The following NHSL1 variants were observed in gnomAD, a reference collection of about 807,000 sequenced individuals.
The protein encoded by NHSL1 is NHS-like protein 1.
A neutral mutation model predicts 95.0 loss-of-function variants in NHSL1; 48 were observed. That is an observed-to-expected ratio of 0.51 (90% CI 0.40 to 0.64). The LOEUF (loss-of-function observed/expected upper bound fraction) is 0.64. NHSL1 is among the 30% of genes least tolerant of loss of function. The pLI, the probability that NHSL1 is intolerant of heterozygous loss-of-function variation, is 0.00. For missense variants in NHSL1, 1,971 were observed against 2,077.7 expected (o/e 0.95, Z 1.00); for synonymous variants, 783 against 833.9 (o/e 0.94, Z 1.05).
chr6:138,667,793 A>G (rs1255200112), intron 1 of NHSL1, among the ~76,000 whole-genome samples: 2 of 152,240 alleles, frequency 1.3e-5, no homozygotes, highest in African/African-American at 4.8e-5. Flanking sequence ...TAATGTAGAC[A>G]GGAGAATATC....
chr6:138,652,656 C>G (rs73566687), intron 1 of NHSL1, among the ~76,000 whole-genome samples: 15,135 of 152,092 alleles, frequency 0.1, 940 homozygotes, highest in African/African-American at 0.18. Context: ...GAAACACACA[C>G]TGCAAAACAA....
At chr6:138,511,120 C>A (rs774917602) in intron 1 of NHSL1, among the ~76,000 whole-genome samples, 28 of 152,124 alleles carry the variant, frequency 1.8e-4, no homozygotes, top group Non-Finnish European at 3.4e-4. Context: ...AAAAATGATA[C>A]GCTTAGCTCT....
chr6:138,692,708 C>G (rs1785698334), upstream of NHSL1: 1 of 151,774 alleles, frequency 6.6e-6, no homozygotes, highest in South Asian at 2.1e-4. The surrounding 1 kb of genome is among the most constrained non-coding windows in gnomAD (Gnocchi z 4.0). Flanking sequence ...CCCCGGCCCC[C>G]GCCGCCTCGG....
intron 1 of NHSL1, among the ~76,000 whole-genome samples, chr6:138,568,151 A>G (rs1028593127): frequency 1.3e-5 from 2 of 152,226 alleles, no homozygotes; most frequent in Non-Finnish European, 2.9e-5. Context: ...TAACAGTTAG[A>G]AGACCATGCA....
intron 1 of NHSL1, among the ~76,000 whole-genome samples, chr6:138,678,139 T>C (rs748823289): frequency 6.6e-6 from 1 of 152,158 alleles, no homozygotes; most frequent in Non-Finnish European, 1.5e-5. Flanking sequence ...TGGCATTTTA[T>C]GGTGTCATAC....
At position 138,430,861 on chromosome 6, in the gene NHSL1, G is replaced by A. The variant is rs140310361; in HGVS notation, c.3484C>T (p.Arg1162Cys). The change falls in exon 6 of 8, where the codon CGC becomes TGC. Residue 1162 changes from arginine (R) to cysteine (C), a missense_variant. This residue lies in a region of NHSL1 where 1,602 missense variants were observed against 1,654.5 expected (regional missense o/e 0.97). Transcript: ENST00000343505. This position sits in a 1 kb window ranked among gnomAD's most constrained non-coding sequence, Gnocchi z 4.7. ...SAAERGGPVS[R>C]SPGAPSAGEA... Reference sequence around the variant, plus strand: ...CCAGCGCTTGGAGCTCCAGGGCTGCGGCTCACAGGGCCACCACGCTCAGCC... The same window carrying A: ...CCAGCGCTTGGAGCTCCAGGGCTGCAGCTCACAGGGCCACCACGCTCAGCC... 149 of 1,550,972 alleles carry A rather than the reference G, an allele frequency of 9.6e-5. 1 individual carries two copies. In the Middle Eastern group the frequency reaches 5.0e-3, roughly 52 times the overall value.
intron 1 of NHSL1, among the ~76,000 whole-genome samples, chr6:138,556,046 G>C (rs1340256419): frequency 6.6e-6 from 1 of 151,808 alleles, no homozygotes; most frequent in East Asian, 1.9e-4. Context: ...AACTCTACTT[G>C]GATCCCTTCA....
chr6:138,602,133 G>A (rs1373951316), intron 1 of NHSL1, among the ~76,000 whole-genome samples: 1 of 152,122 alleles, frequency 6.6e-6, no homozygotes. Context: ...ACTAAAAGTT[G>A]TGTCAAATTT....
intron 1 of NHSL1, among the ~76,000 whole-genome samples, chr6:138,594,790 T>C (rs1784279506): frequency 6.6e-6 from 1 of 152,202 alleles, no homozygotes; most frequent in Non-Finnish European, 1.5e-5. Flanking sequence ...TATCACTCAC[T>C]CAAAAGTGGA....
At position 138,635,664 on chromosome 6, in the gene NHSL1, C is replaced by T. The variant is rs372532836; in HGVS notation, c.96+56812G>A. On this transcript the variant is annotated intron_variant, in intron 1 of 3. Coordinates refer to the NHSL1 transcript ENST00000491526. ...GAAAAATAGAGAATGAGGGATAGTT[C>T]CAAACTCATTCTACGAAGCCAGTAT... is the stretch of plus-strand genomic sequence containing the variant. 7.2e-5 allele frequency among the ~76,000 whole-genome samples: 11 copies of T among 152,190 alleles called. No homozygotes were observed. The South Asian group carries it at 1.5e-3, about 20-fold the overall frequency.
At chr6:138,480,067 G>T (rs1368345388) in intron 2 of NHSL1, among the ~76,000 whole-genome samples, 2 of 152,004 alleles carry the variant, frequency 1.3e-5, no homozygotes, top group African/African-American at 4.8e-5. Flanking sequence ...GATGCTAAAA[G>T]AAAAAAAGTA....
In NHSL1 at chr6:138,611,649, G is replaced by A. The variant is rs184884119; in HGVS notation, c.96+80827C>T. The stretch of plus-strand genomic sequence containing the variant: ...TAGTCCCAGCCACTCGGGAGGCTGA[G>A]GCAGGAGAATGGCGTGAACCCGGGA... On this transcript the variant is annotated intron_variant, in intron 1 of 3. Transcript: ENST00000491526. Among the ~76,000 whole-genome samples, 1,001 of 152,272 alleles carry A rather than the reference G, an allele frequency of 6.6e-3. 11 individuals carry two copies. Among genetic ancestry groups the A allele is most frequent in the African/African-American group, 0.023 (943 of 41,552 alleles).
At chr6:138,629,907 T>C (rs1325787067) in intron 1 of NHSL1, among the ~76,000 whole-genome samples, 1 of 152,214 alleles carries the variant, frequency 6.6e-6, no homozygotes, top group East Asian at 1.9e-4. Context: ...TTACATATTT[T>C]TCAGATTTTT....
chr6:138,598,862 C>A (rs1330498432), intron 1 of NHSL1, among the ~76,000 whole-genome samples: 2 of 152,054 alleles, frequency 1.3e-5, no homozygotes, highest in Non-Finnish European at 2.9e-5. Context: ...CTCTTAAGTA[C>A]AATAATGAAA....
intron 3 of NHSL1, among the ~76,000 whole-genome samples, chr6:138,471,720 T>G: frequency 6.6e-6 from 1 of 152,038 alleles, no homozygotes. Context: ...AAATTGTATA[T>G]TTCAAAATAA....
chr6:138,545,748 G>C, upstream of NHSL1: 2 of 1,229,292 alleles, frequency 1.6e-6, no homozygotes, highest in South Asian at 2.8e-5. Context: ...CAGAGAGCGG[G>C]GCGGCCAGCC....
chr6:138,490,005 A>G (rs915275944), intron 2 of NHSL1, among the ~76,000 whole-genome samples: 1 of 149,194 alleles, frequency 6.7e-6, no homozygotes, highest in Non-Finnish European at 1.5e-5. Flanking sequence ...AGAGAGAGAG[A>G]CAAAGAAAAA....
At chr6:138,625,961 A>G (rs1784732568) in intron 1 of NHSL1, among the ~76,000 whole-genome samples, 1 of 152,230 alleles carries the variant, frequency 6.6e-6, no homozygotes, top group Non-Finnish European at 1.5e-5. Flanking sequence ...TTGTTGAATG[A>G]AAGTTGTTTC....
chr6:138,578,434 A>G (rs7772493), intron 1 of NHSL1, among the ~76,000 whole-genome samples: 39,731 of 152,062 alleles, frequency 0.26, 8,531 homozygotes, highest in African/African-American at 0.6. Context: ...ACATAACCAA[A>G]AATGCAACAT....
Sources: gnomAD v4.1 joint callset for allele counts (sites outside exome capture counted in the v4.1 genomes callset) on GRCh38, gnomAD v4.1.1 for gene constraint, gnomAD v4.1.1 regional missense constraint, Gnocchi (gnomAD v3.1) non-coding constraint, MANE v1.5 for transcripts, NCBI Gene and HGNC (gene_info 2026-07-23, HGNC 2026-07-21) for gene names.